PKD1L3: variants seen among roughly 807,000 people sequenced by gnomAD.
The protein encoded by PKD1L3 is polycystin 1 like 3, transient receptor potential channel interacting.
PKD1L3 carries 239 observed loss-of-function variants against 184.1 expected under a neutral mutation model. The observed-to-expected ratio is 1.30, with a 90% CI of 1.17 to 1.45. PKD1L3 has a LOEUF of 1.45. PKD1L3 is among the 40% of genes most tolerant of loss of function. The pLI is 0.00. For synonymous variants in PKD1L3, 996 were observed against 778.8 expected (o/e 1.28, Z -4.64); for missense variants, 2,660 against 2,067.2 (o/e 1.29, Z -5.56).
intron 9 of PKD1L3, 37 bp downstream of exon 9, chr16:71,979,749 C>T (rs751657987): frequency 1.9e-5 from 28 of 1,466,426 alleles, no homozygotes; most frequent in Admixed American, 6.0e-5. Context: ...CCATCAGATC[C>T]CATTTTCATT....
intron 16 of PKD1L3, among the ~76,000 whole-genome samples, chr16:71,960,810 C>A (rs1183619986): frequency 6.6e-6 from 1 of 152,098 alleles, no homozygotes; most frequent in Non-Finnish European, 1.5e-5. Context: ...GTAATCCTAG[C>A]TACTCGGGAA....
At chr16:71,977,034 C>T (rs929317157) in intron 11 of PKD1L3, among the ~76,000 whole-genome samples, 31 of 152,226 alleles carry the variant, frequency 2.0e-4, no homozygotes, top group African/African-American at 5.8e-4. Flanking sequence ...CAAGCCACCG[C>T]GCCCGGCCCA....
chr16:71,968,075 T>C, intron 13 of PKD1L3, 68 bp from the exon 14 acceptor site: 2 of 1,282,374 alleles, frequency 1.6e-6, no homozygotes, highest in South Asian at 1.3e-5. Flanking sequence ...CTCCTCCAGC[T>C]GAGGAGCAGG....
Position 71,933,469 on chromosome 16 carries a change from G to C in PKD1L3, c.4877C>G (p.Ser1626Ter), listed in dbSNP as rs999810062. ...SISDYRTFFS[S>*]AVTVVGLLMG... ...CAGGAGACCAACAACAGTCACTGCTGAGCTGAAAAATGTCCGGTAGTCAGA... is the reference window on the plus strand; with the variant it reads ...CAGGAGACCAACAACAGTCACTGCTCAGCTGAAAAATGTCCGGTAGTCAGA... The change falls in exon 28 of 30, where the codon TCA (serine) becomes TGA (stop). Residue 1626 changes from serine (S) to a stop codon, truncating the protein, a stop_gained. Coordinates refer to ENST00000620267, the MANE Select transcript of PKD1L3 (RefSeq NM_181536.2). LOFTEE classifies it high-confidence loss of function. 3 of 1,551,542 alleles carry C rather than the reference G, an allele frequency of 1.9e-6. No homozygotes were observed. The African/African-American group carries it at 4.1e-5, about 21-fold the overall frequency.
In PKD1L3 at chr16:71,970,233, G is replaced by A. The variant is rs2039661284; in HGVS notation, c.1954-128C>T. ...GTTCTCTCATTCACAGCTGGTGATG[G>A]CGTAAATTGGTATAACCAATGTGGA... is the stretch of plus-strand genomic sequence containing the variant. On this transcript the variant is annotated intron_variant, in intron 12 of 29. Coordinates refer to ENST00000620267, the MANE Select transcript of PKD1L3 (RefSeq NM_181536.2). 7.0e-6 allele frequency: 5 copies of A among 713,974 alleles called. No homozygotes were observed. In the South Asian group the frequency reaches 9.4e-5, roughly 13 times the overall value. 44.2% of individuals were successfully genotyped at this position (713,974 alleles called of 1,614,324 possible).
chr16:71,981,965 T>C, intron 7 of PKD1L3, 94 bp downstream of exon 7: 1 of 1,273,056 alleles, frequency 7.9e-7, no homozygotes, highest in Middle Eastern at 2.8e-4. Context: ...AGCAAGATTA[T>C]CTTTAAAGGT....
intron 16 of PKD1L3, among the ~76,000 whole-genome samples, chr16:71,958,312 G>A (rs1358629667): frequency 4.7e-5 from 7 of 148,160 alleles, no homozygotes; most frequent in African/African-American, 7.5e-5. Flanking sequence ...GCTTGAACCC[G>A]GGAGGCGGAG....
intron 16 of PKD1L3, among the ~76,000 whole-genome samples, chr16:71,958,105 C>T (rs2039116047): frequency 6.6e-6 from 1 of 151,984 alleles, no homozygotes; most frequent in Non-Finnish European, 1.5e-5. Context: ...TGGACACACA[C>T]GGCCGGGCGC....
intron 6 of PKD1L3, among the ~76,000 whole-genome samples, chr16:71,983,597 C>T (rs542395956): frequency 6.7e-6 from 1 of 149,076 alleles, no homozygotes; most frequent in South Asian, 2.1e-4. Flanking sequence ...AATATGCTTG[C>T]TAAAATTTAA....
At chr16:71,976,371 T>C (rs2039925742) in intron 11 of PKD1L3, among the ~76,000 whole-genome samples, 1 of 147,696 alleles carries the variant, frequency 6.8e-6, no homozygotes, top group Non-Finnish European at 1.5e-5. Flanking sequence ...TTCTTCTGCC[T>C]CAGCCTCCCA....
At chr16:71,955,255 G>C (rs1226707087) in intron 16 of PKD1L3, among the ~76,000 whole-genome samples, 3 of 152,030 alleles carry the variant, frequency 2.0e-5, no homozygotes, top group Non-Finnish European at 4.4e-5. Flanking sequence ...GGAAGGGGTG[G>C]AAGGGATGGT....
At chr16:71,951,042 C>G (rs12708918) in intron 19 of PKD1L3, among the ~76,000 whole-genome samples, 72,004 of 150,652 alleles carry the variant, frequency 0.48, 18,346 homozygotes, top group East Asian at 0.92. Flanking sequence ...CCTGCCCGAC[C>G]TGTGTTTTTT....
intron 28 of PKD1L3, chr16:71,931,142 A>G (rs1054968746): frequency 1.3e-5 from 2 of 152,106 alleles, no homozygotes; most frequent in African/African-American, 4.8e-5. Context: ...TTTATGTACA[A>G]TTACATCCAA....
chr16:71,932,677 C>T (rs2038019395), intron 28 of PKD1L3, among the ~76,000 whole-genome samples: 1 of 151,434 alleles, frequency 6.6e-6, no homozygotes, highest in African/African-American at 2.4e-5. Context: ...TGGGGTTTCA[C>T]CATGTTGGCC....
At chr16:71,935,270 G>T in intron 26 of PKD1L3, 88 bp downstream of exon 26, 1 of 1,324,738 alleles carries the variant, frequency 7.5e-7, no homozygotes, top group Non-Finnish European at 1.0e-6. Context: ...TACAGATCTG[G>T]TAGGGGAGTT....
chr16:71,951,143 A>C (rs1169374931), intron 19 of PKD1L3, among the ~76,000 whole-genome samples: 1 of 151,238 alleles, frequency 6.6e-6, no homozygotes, highest in Non-Finnish European at 1.5e-5. Context: ...GAGTTCAAGC[A>C]ATTCTCCTGC....
At chr16:71,961,144 G>A (rs1331454665) in intron 16 of PKD1L3, among the ~76,000 whole-genome samples, 1 of 151,290 alleles carries the variant, frequency 6.6e-6, no homozygotes, top group Admixed American at 6.6e-5. Flanking sequence ...GTTTTGTTTT[G>A]AGATGGAGTC....
rs543488508 is a variant in PKD1L3 at position 71,981,535 on chromosome 16, C to CT, written c.1143+523dup. On this transcript the variant is annotated intron_variant, in intron 7 of 29. Transcript: ENST00000620267. The stretch of plus-strand genomic sequence containing the variant: ...CTTTATGCCAACACTTTCCTAAATT[C>CT]TTTTTTTTTTTTTTTTTTTTTTTTT... Among the ~76,000 whole-genome samples the CT allele has an allele frequency of 4.5e-3, 471 of 105,058 alleles. 12 individuals carry two copies. Among genetic ancestry groups the CT allele is most frequent in the Admixed American group, 0.019 (171 of 9,128 alleles). The allele number at this position is 105,058 out of a possible 152,430, so 68.9% of individuals were successfully genotyped here.
At chr16:71,944,819 C>T (rs972629954) in intron 22 of PKD1L3, among the ~76,000 whole-genome samples, 1 of 150,948 alleles carries the variant, frequency 6.6e-6, no homozygotes, top group African/African-American at 2.4e-5. Context: ...TTGCCTCAAC[C>T]TCCTGAGTAG....
Sources: allele counts gnomAD v4.1 joint callset (sites outside exome capture counted in the v4.1 genomes callset), GRCh38; gene constraint gnomAD v4.1.1; transcripts MANE v1.5; gene names NCBI Gene and HGNC (gene_info 2026-07-23, HGNC 2026-07-21).